The following MON1A variants were observed in gnomAD, a reference collection of about 807,000 sequenced individuals.
The protein encoded by MON1A is MON1 vesicular trafficking associated A, also known as vacuolar fusion protein MON1 homolog A.
MON1A carries 29 observed loss-of-function variants against 44.6 expected under a neutral mutation model. The observed-to-expected ratio is 0.65, with a 90% CI of 0.48 to 0.89. The LOEUF (loss-of-function observed/expected upper bound fraction) is 0.89, where lower values mean the gene tolerates loss of function less well. Ranked by LOEUF, MON1A falls within the 40% of genes least tolerant of loss-of-function variation. MON1A has a pLI of 0.00. For missense variants in MON1A, 615 were observed against 759.6 expected (o/e 0.81, Z 2.24); for synonymous variants, 275 against 316.4 (o/e 0.87, Z 1.39).
At chr3:49,928,391 AAGGAGGTCTCTTAGAACC>A (rs1272880340) in intron 1 of MON1A, among the ~76,000 whole-genome samples, 1 of 152,168 alleles carries the variant, frequency 6.6e-6, no homozygotes, top group Non-Finnish European at 1.5e-5. Flanking sequence ...AAGTTAGGCA[AAGGAGGTCTCTTAGAACC>A]AGCCCCAGAT....
chr3:49,909,703 G>C lies in MON1A; in HGVS notation c.1380-303C>G, dbSNP rs2082851710. The C allele has an allele frequency of 2.6e-6, 1 of 387,192 alleles. No individual in the cohort carries two copies. Among genetic ancestry groups the C allele is most frequent in the Non-Finnish European group, 4.7e-6 (1 of 215,018 alleles). The allele number at this position is 387,192 out of a possible 1,614,324, so 24.0% of individuals were successfully genotyped here. A position where few individuals can be genotyped will look rare whatever the true frequency, so the allele number is the denominator to read the frequency against. ...GACAGAGTGACAGATCTGGAGTAGA[G>C]GAAAGGTGAGCTAGGAATCCTGTGG... On this transcript the variant is annotated intron_variant, in intron 4 of 5. Coordinates refer to ENST00000296473, the MANE Select transcript of MON1A (RefSeq NM_032355.4). The surrounding 1 kb of genome is among the most constrained non-coding windows in gnomAD (Gnocchi z 4.0).
intron 1 of MON1A, chr3:49,929,355 G>A (rs557618664): frequency 1.8e-6 from 1 of 562,560 alleles, no homozygotes; most frequent in East Asian, 3.1e-5. Context: ...GTGGGGGAGT[G>A]GGGAGAGTCC....
intron 1 of MON1A, among the ~76,000 whole-genome samples, chr3:49,923,549 G>A (rs2083023578): frequency 6.7e-6 from 1 of 149,792 alleles, no homozygotes; most frequent in Non-Finnish European, 1.5e-5. Flanking sequence ...CACCTCCCAG[G>A]TTCAAGCGAT....
In MON1A at chr3:49,924,323, T is replaced by C. The variant is rs547691146; in HGVS notation, c.-14+5286A>G. Reference sequence around the variant, plus strand: ...AATCCTCAACTCCTGCTATGCGACTTTGCATACTCCCTTTCCACACTGAGC... The same window carrying C: ...AATCCTCAACTCCTGCTATGCGACTCTGCATACTCCCTTTCCACACTGAGC... On this transcript the variant is annotated intron_variant, in intron 1 of 5. Coordinates refer to ENST00000296473, the MANE Select transcript of MON1A (RefSeq NM_032355.4). 1.7e-4 allele frequency among the ~76,000 whole-genome samples: 26 copies of C among 152,308 alleles called. 1 individual carries two copies. The South Asian group carries it at 5.4e-3, about 32-fold the overall frequency.
chr3:49,913,425 A>AGTAAGTACAG, intron 1 of MON1A, 66 bp from the exon 2 acceptor site: 2 of 1,522,908 alleles, frequency 1.3e-6, no homozygotes, highest in Non-Finnish European at 1.8e-6. Context: ...CAACAGTGGT[A>AGTAAGTACAG]GTAAGTACAG....
intron 1 of MON1A, among the ~76,000 whole-genome samples, chr3:49,928,344 C>T (rs563965430): frequency 6.6e-6 from 1 of 152,228 alleles, no homozygotes; most frequent in South Asian, 2.1e-4. Context: ...GGAGCCACAA[C>T]TGTGCAACTG....
intron 1 of MON1A, among the ~76,000 whole-genome samples, chr3:49,914,736 C>A (rs1446055039): frequency 6.6e-6 from 1 of 151,548 alleles, no homozygotes; most frequent in African/African-American, 2.4e-5. Context: ...TTAGTAGAGA[C>A]AAGGTTTCAC....
At chr3:49,917,381 G>T (rs193199629) in intron 1 of MON1A, among the ~76,000 whole-genome samples, 1 of 152,064 alleles carries the variant, frequency 6.6e-6, no homozygotes, top group African/African-American at 2.4e-5. Flanking sequence ...TGCCTCCCCA[G>T]TTTATGCCAT....
In MON1A at chr3:49,929,721, G is replaced by A. The variant is rs1228639933; in HGVS notation, c.-126C>T. 6.5e-7 allele frequency: 1 copy of A among 1,550,184 alleles called. No individual in the cohort carries two copies. ...GGCCGGCCTGAGGGCACAGCTTCGC[G>A]GGGCCCCGGCCCCCTGCGTACACAG... On this transcript the variant is annotated 5_prime_UTR_variant, in exon 1 of 6. Transcript: ENST00000296473.
intron 1 of MON1A, among the ~76,000 whole-genome samples, chr3:49,922,631 G>A (rs1279440079): frequency 6.7e-6 from 1 of 149,756 alleles, no homozygotes; most frequent in Non-Finnish European, 1.5e-5. Context: ...GGAAGGAAAG[G>A]AAGAAAGGAA....
At chr3:49,927,443 C>T (rs1405099842) in intron 1 of MON1A, among the ~76,000 whole-genome samples, 4 of 152,226 alleles carry the variant, frequency 2.6e-5, no homozygotes, top group South Asian at 2.1e-4. Context: ...TGTGACTGCA[C>T]TTATAATACC....
intron 2 of MON1A, 69 bp downstream of exon 2, chr3:49,913,151 T>A (rs1463533097): frequency 6.3e-7 from 1 of 1,593,664 alleles, no homozygotes; most frequent in East Asian, 2.2e-5. Flanking sequence ...AAAAAGTGGT[T>A]GGGAATCCTA....
At chr3:49,912,382 T>C (rs1429559009) in intron 2 of MON1A, 3 of 196,712 alleles carry the variant, frequency 1.5e-5, no homozygotes, top group African/African-American at 2.3e-5. Flanking sequence ...TGCTGTCAGC[T>C]GTCTCCTACC....
intron 1 of MON1A, among the ~76,000 whole-genome samples, chr3:49,923,422 GGAAA>G (rs1207581825): frequency 9.5e-4 from 143 of 150,076 alleles, no homozygotes; most frequent in Middle Eastern, 3.4e-3. Context: ...AAGAAAGGAA[GGAAA>G]GAAAGAAAGA....
At chr3:49,914,090 C>CTT (rs776537293) in intron 1 of MON1A, among the ~76,000 whole-genome samples, 7 of 133,468 alleles carry the variant, frequency 5.2e-5, no homozygotes, top group Admixed American at 1.5e-4. Context: ...TCTTCTTCTT[C>CTT]TTTTTTTTTT....
chr3:49,912,291 C>T (rs2082896002), intron 2 of MON1A: 1 of 375,756 alleles, frequency 2.7e-6, no homozygotes, highest in African/African-American at 2.1e-5. Flanking sequence ...ACTCCCTTGC[C>T]CATCTTGGTC....
At chr3:49,913,920 G>C (rs998300476) in intron 1 of MON1A, among the ~76,000 whole-genome samples, 2 of 150,734 alleles carry the variant, frequency 1.3e-5, no homozygotes, top group African/African-American at 4.9e-5. Context: ...CCTCTCGGCA[G>C]ATTGTTGTTG....
chr3:49,912,700 C>A lies in MON1A; in HGVS notation c.127+520G>T, dbSNP rs577816140. On this transcript the variant is annotated intron_variant, in intron 2 of 5. Transcript: ENST00000296473. ...GCCGCAGCCTGTGACTGCCTCAGGG[C>A]AGGGACCAGGTCAGTCTTCCTTTAT... 39 of 238,398 alleles carry A rather than the reference C, an allele frequency of 1.6e-4. No homozygotes were observed. The South Asian group carries it at 2.0e-3, about 12-fold the overall frequency. The allele number at this position is 238,398 out of a possible 1,614,324, so 14.8% of individuals were successfully genotyped here.
At chr3:49,915,139 T>C (rs2082932484) in intron 1 of MON1A, among the ~76,000 whole-genome samples, 1 of 152,230 alleles carries the variant, frequency 6.6e-6, no homozygotes, top group Non-Finnish European at 1.5e-5. Flanking sequence ...CCTGTCAGGC[T>C]AGCTTTATAG....
Sources: gnomAD v4.1 joint callset for allele counts (sites outside exome capture counted in the v4.1 genomes callset) on GRCh38, gnomAD v4.1.1 for gene constraint, Gnocchi (gnomAD v3.1) non-coding constraint, MANE v1.5 for transcripts, NCBI Gene and HGNC (gene_info 2026-07-23, HGNC 2026-07-21) for gene names.